The following CSRNP3 variants were observed in gnomAD, a reference collection of about 807,000 sequenced individuals.
CSRNP3 encodes cysteine and serine rich nuclear protein 3.
A neutral mutation model predicts 48.0 loss-of-function variants in CSRNP3; 12 were observed. The ratio of observed to expected loss-of-function variants is 0.25; its 90% CI spans 0.16 to 0.41. CSRNP3 has a LOEUF of 0.41. CSRNP3 is among the 10% of genes least tolerant of loss of function. The pLI, the probability that CSRNP3 is intolerant of heterozygous loss-of-function variation, is 1.00. For synonymous variants in CSRNP3, 263 were observed against 269.7 expected (o/e 0.98, Z 0.24); for missense variants, 580 against 724.4 (o/e 0.80, Z 2.29).
intron 3 of CSRNP3, among the ~76,000 whole-genome samples, chr2:165,574,910 A>G (rs1311449800): frequency 6.6e-6 from 1 of 152,112 alleles, no homozygotes; most frequent in Non-Finnish European, 1.5e-5. Context: ...TTCCATTTGA[A>G]GGGTTTTGGT....
In CSRNP3 at chr2:165,540,096, ACT is replaced by A. The variant is rs777577197; in HGVS notation, c.-24+22136_-24+22137del. 3.3e-5 allele frequency among the ~76,000 whole-genome samples: 5 copies of A among 152,180 alleles called. No homozygotes were observed. In the South Asian group the frequency reaches 1.0e-3, roughly 32 times the overall value. On this transcript the variant is annotated intron_variant, in intron 3 of 6. Transcript: ENST00000651982. The stretch of plus-strand genomic sequence containing the variant: ...CTCCAGCCCAAACCTCTAACCTATT[ACT>A]ATTCCTGGATAGCAGAGTGCATGTC...
intron 3 of CSRNP3, among the ~76,000 whole-genome samples, chr2:165,522,686 A>C (rs1684678574): frequency 6.6e-6 from 1 of 151,902 alleles, no homozygotes; most frequent in African/African-American, 2.4e-5. Context: ...TTTTCCTTTC[A>C]CTTCTTTTGC....
chr2:165,657,396 G>A lies in CSRNP3; in HGVS notation c.149-365G>A, dbSNP rs113213349. 2.3e-3 allele frequency among the ~76,000 whole-genome samples: 357 copies of A among 152,198 alleles called. 2 individuals carry two copies. The highest frequency in any genetic ancestry group is 7.9e-3 in the African/African-American group (328 of 41,498). ...GTATATACAGGGCTCAATACTGTCCGTGATTTCAGGCATCCACAGGAAGTC... is the reference window on the plus strand; with the variant it reads ...GTATATACAGGGCTCAATACTGTCCATGATTTCAGGCATCCACAGGAAGTC... On this transcript the variant is annotated intron_variant, in intron 4 of 6. Coordinates refer to ENST00000651982, the MANE Select transcript of CSRNP3 (RefSeq NM_001172173.2).
intron 3 of CSRNP3, chr2:165,574,282 G>C (rs1685414321): frequency 1.7e-6 from 2 of 1,144,894 alleles, no homozygotes; most frequent in Admixed American, 4.1e-5. Context: ...AAAGGTCACA[G>C]GGCTGGTGGA....
At chr2:165,486,142 G>C (rs182256505) in intron 1 of CSRNP3, among the ~76,000 whole-genome samples, 18 of 152,222 alleles carry the variant, frequency 1.2e-4, no homozygotes, top group African/African-American at 4.3e-4. Context: ...GGAAGCGCAA[G>C]GGGTCAGAGA....
chr2:165,551,505 C>T (rs1685095260), intron 3 of CSRNP3, among the ~76,000 whole-genome samples: 1 of 152,164 alleles, frequency 6.6e-6, no homozygotes, highest in African/African-American at 2.4e-5. Context: ...TAAAAACTCT[C>T]ACATGTGTCT....
intron 4 of CSRNP3, among the ~76,000 whole-genome samples, chr2:165,601,071 AG>A (rs1685906565): frequency 6.6e-6 from 1 of 152,208 alleles, no homozygotes; most frequent in Non-Finnish European, 1.5e-5. Flanking sequence ...GAATTTTGCT[AG>A]GCAACAAGCA....
intron 1 of CSRNP3, among the ~76,000 whole-genome samples, chr2:165,471,714 A>C (rs1574789506): frequency 6.6e-6 from 1 of 152,094 alleles, no homozygotes; most frequent in South Asian, 2.1e-4. Flanking sequence ...AAGTAGATAA[A>C]CCCTTTCTCA....
At chr2:165,595,020 T>C in intron 3 of CSRNP3, 23 bp from the exon 4 acceptor site, 1 of 1,605,734 alleles carries the variant, frequency 6.2e-7, no homozygotes, top group Non-Finnish European at 8.5e-7. Flanking sequence ...TTCAATGCTC[T>C]GTTGCTCTCC....
chr2:165,648,826 A>T (rs1054633264), intron 4 of CSRNP3, among the ~76,000 whole-genome samples: 3 of 152,226 alleles, frequency 2.0e-5, no homozygotes, highest in Non-Finnish European at 4.4e-5. Flanking sequence ...AAATTTTCAC[A>T]TGCAGCTTTC....
intron 5 of CSRNP3, among the ~76,000 whole-genome samples, chr2:165,659,113 A>G (rs1431933564): frequency 1.3e-5 from 2 of 152,224 alleles, no homozygotes; most frequent in African/African-American, 4.8e-5. Flanking sequence ...GGAGTGGCAG[A>G]ATATGATCCA....
At chr2:165,643,918 A>G (rs1467041647) in intron 4 of CSRNP3, among the ~76,000 whole-genome samples, 1 of 152,198 alleles carries the variant, frequency 6.6e-6, no homozygotes, top group Non-Finnish European at 1.5e-5. Flanking sequence ...TAAGGCACAG[A>G]TGACAATTTA....
At chr2:165,544,293 CCTT>C (rs1684995353) in intron 3 of CSRNP3, among the ~76,000 whole-genome samples, 1 of 152,102 alleles carries the variant, frequency 6.6e-6, no homozygotes, top group Non-Finnish European at 1.5e-5. Flanking sequence ...GAGCAAGCCT[CCTT>C]CTTCACAGCA....
chr2:165,526,689 T>C (rs1481311254), intron 3 of CSRNP3, among the ~76,000 whole-genome samples: 2 of 152,218 alleles, frequency 1.3e-5, no homozygotes, highest in Admixed American at 6.5e-5. Context: ...TGAAACTTTA[T>C]TGATGTTCAG....
At chr2:165,628,874 T>A (rs1686485148) in intron 4 of CSRNP3, among the ~76,000 whole-genome samples, 1 of 152,116 alleles carries the variant, frequency 6.6e-6, no homozygotes, top group South Asian at 2.1e-4. Flanking sequence ...CAGACCAGCC[T>A]GGGCAACATA....
intron 2 of CSRNP3, among the ~76,000 whole-genome samples, chr2:165,499,063 C>G (rs1684323507): frequency 6.6e-6 from 1 of 152,110 alleles, no homozygotes; most frequent in African/African-American, 2.4e-5. Flanking sequence ...TACTTTGGGT[C>G]CATCTAGCAG....
intron 5 of CSRNP3, among the ~76,000 whole-genome samples, chr2:165,661,866 C>T (rs1174446747): frequency 6.6e-6 from 1 of 152,110 alleles, no homozygotes; most frequent in Non-Finnish European, 1.5e-5. Context: ...TGTAGTACAC[C>T]ATGGGAAACT....
intron 4 of CSRNP3, among the ~76,000 whole-genome samples, chr2:165,616,958 A>C (rs934812648): frequency 6.6e-6 from 1 of 151,950 alleles, no homozygotes; most frequent in African/African-American, 2.4e-5. Flanking sequence ...TGAAGCTCTC[A>C]GTTGTATTTC....
At chr2:165,481,845 C>T (rs915598674) in intron 1 of CSRNP3, among the ~76,000 whole-genome samples, 2 of 151,972 alleles carry the variant, frequency 1.3e-5, no homozygotes, top group African/African-American at 2.4e-5. Flanking sequence ...AACCAAATAC[C>T]GCATGTTCTC....
Sources: allele counts gnomAD v4.1 joint callset (sites outside exome capture counted in the v4.1 genomes callset), GRCh38; gene constraint gnomAD v4.1.1; transcripts MANE v1.5; gene names NCBI Gene and HGNC (gene_info 2026-07-23, HGNC 2026-07-21).